The following ACLY variants were observed in gnomAD, a reference collection of about 807,000 sequenced individuals.
ACLY encodes ATP-citrate synthase.
In ACLY, 41 loss-of-function variants were observed where a neutral mutation model predicts 133.0. The observed-to-expected ratio is 0.31, with a 90% confidence interval of 0.24 to 0.40. ACLY has a LOEUF of 0.40. ACLY is among the 10% of genes least tolerant of loss of function. The probability of loss-of-function intolerance (pLI) is 1.00; values close to 1 mark genes in which losing one functional copy is unlikely to be tolerated. For missense variants in ACLY, 1,046 were observed against 1,453.8 expected, an observed-to-expected ratio of 0.72 and a Z score of 4.56; for synonymous variants, 495 against 549.3, an observed-to-expected ratio of 0.90 and a Z score of 1.38.
At chr17:41,918,716 C>T (rs2050123400) in intron 1 of ACLY, among the ~76,000 whole-genome samples, 164 bp downstream of exon 1, 1 of 152,154 alleles carries the variant, frequency 6.6e-6, no homozygotes, top group South Asian at 2.1e-4. Context: ...CCGGCCGGGA[C>T]CCCGGGCGAA....
At chr17:41,907,304 AG>A in intron 7 of ACLY, 137 bp downstream of exon 7, 2 of 666,932 alleles carry the variant, frequency 3.0e-6, no homozygotes, top group Non-Finnish European at 2.3e-6. Context: ...TGAGGTTTTA[AG>A]AAAATTAAAT....
chr17:41,897,253 A>G (rs1360990264), intron 13 of ACLY, among the ~76,000 whole-genome samples: 1 of 152,052 alleles, frequency 6.6e-6, no homozygotes, highest in Non-Finnish European at 1.5e-5. Context: ...AATTAGTTGA[A>G]ATACAGATGG....
intron 5 of ACLY, 131 bp downstream of exon 5, chr17:41,909,379 T>G (rs2049826542): frequency 4.0e-6 from 4 of 990,286 alleles, no homozygotes; most frequent in Non-Finnish European, 4.5e-6. Flanking sequence ...CCAGCTGTCT[T>G]CCTCAGGACA....
chr17:41,872,167 A>T lies in ACLY; in HGVS notation c.2658T>A (p.Ser886=). Residue 886 remains serine, a synonymous_variant, in exon 24 of 29, where the codon TCT becomes TCA. Transcript: ENST00000352035. Reference sequence around the variant, plus strand: ...TCAGACACATCTCAATGAACTGGCAAGAGTACTTAGGCAACCTGGAGTGGG... The same window carrying T: ...TCAGACACATCTCAATGAACTGGCATGAGTACTTAGGCAACCTGGAGTGGG... ...LWFQKRLPKY[S]CQFIEMCLMV... 1 of 1,613,716 alleles carries T rather than the reference A, an allele frequency of 6.2e-7. No homozygotes were observed.
chr17:41,919,186 G>A (rs978924619), upstream of ACLY, among the ~76,000 whole-genome samples: 4 of 152,144 alleles, frequency 2.6e-5, no homozygotes, highest in Admixed American at 2.6e-4. Flanking sequence ...GAGCCTGCGG[G>A]GCCGGGGCGG....
At chr17:41,914,222 G>A (rs1489224584) in intron 1 of ACLY, among the ~76,000 whole-genome samples, 1 of 152,208 alleles carries the variant, frequency 6.6e-6, no homozygotes, top group Non-Finnish European at 1.5e-5. Context: ...ACTCATCCTG[G>A]AGCAAAAGGC....
At chr17:41,886,029 A>T (rs1331540775) in intron 18 of ACLY, 83 bp downstream of exon 18, 2 of 1,393,924 alleles carry the variant, frequency 1.4e-6, no homozygotes, top group Non-Finnish European at 2.0e-6. Flanking sequence ...CAGGGGCAGC[A>T]AGCAGCCTGC....
intron 3 of ACLY, among the ~76,000 whole-genome samples, chr17:41,911,841 G>A (rs56198220): frequency 1.9e-3 from 289 of 151,958 alleles, no homozygotes; most frequent in Middle Eastern, 3.4e-3. Flanking sequence ...TAGGCCGGGC[G>A]CAGTGGCTCA....
At chr17:41,922,057 G>A (rs558588238), upstream of ACLY, among the ~76,000 whole-genome samples, 2 of 152,148 alleles carry the variant, frequency 1.3e-5, no homozygotes, top group South Asian at 4.1e-4. Flanking sequence ...TTAGCTGGAT[G>A]TGGTGGCACA....
intron 1 of ACLY, among the ~76,000 whole-genome samples, chr17:41,917,347 G>T (rs1555634714): frequency 1.3e-5 from 2 of 152,050 alleles, no homozygotes; most frequent in African/African-American, 4.8e-5. Context: ...CCATTTGGGG[G>T]AAATCATGCC....
upstream of ACLY, among the ~76,000 whole-genome samples, chr17:41,922,978 T>A (rs1338556833): frequency 1.3e-5 from 2 of 152,212 alleles, no homozygotes; most frequent in African/African-American, 4.8e-5. Context: ...CAGAGGTTCA[T>A]CTGCCTTGAA....
chr17:41,913,607 G>T, intron 2 of ACLY, 108 bp downstream of exon 2: 1 of 1,210,744 alleles, frequency 8.3e-7, no homozygotes, highest in Non-Finnish European at 1.2e-6. Flanking sequence ...AGCTGCTGCT[G>T]GCAGCCTCCA....
chr17:41,897,268 ACAGG>A (rs2049395748), intron 13 of ACLY, among the ~76,000 whole-genome samples: 1 of 152,142 alleles, frequency 6.6e-6, no homozygotes. Flanking sequence ...AGATGGGCTG[ACAGG>A]CGGGGGCTTT....
At chr17:41,887,945 T>C (rs559543053) in intron 16 of ACLY, among the ~76,000 whole-genome samples, 2,534 of 152,048 alleles carry the variant, frequency 0.017, 81 homozygotes, top group African/African-American at 0.058. Context: ...CTGGCCAACG[T>C]AGCAAAACCC....
intron 16 of ACLY, 54 bp from the exon 17 acceptor site, chr17:41,887,757 C>G (rs2049094495): frequency 6.8e-7 from 1 of 1,470,880 alleles, no homozygotes. Flanking sequence ...GAAAGGGCAA[C>G]AAGACAGCAC....
chr17:41,873,465 G>A (rs1555625451), intron 23 of ACLY, among the ~76,000 whole-genome samples: 2 of 152,178 alleles, frequency 1.3e-5, no homozygotes, highest in African/African-American at 2.4e-5. Flanking sequence ...ACAGGCGTGA[G>A]CCACCGCGCC....
rs1555629535 is a variant in ACLY, at chr17:41,892,441, G to A, written c.1608C>T (p.Asp536=). 1.2e-6 allele frequency: 2 copies of A among 1,613,290 alleles called. No homozygotes were observed. Among genetic ancestry groups the A allele is most frequent in the South Asian group, 1.1e-5 (1 of 91,026 alleles). The part of the protein sequence containing the change: ...VAAMVYPFTG[D]HKQKFYWGHK... ...GCCCCCAGTAAAACTTCTGCTTGTG[G>A]TCCCCACTGTGAGAAAGTAAAAGAA... Residue 536 remains aspartate (D), a synonymous_variant, in exon 16 of 29, where the codon GAC becomes GAT. Coordinates refer to ENST00000352035, the MANE Select transcript of ACLY (RefSeq NM_001096.3).
At chr17:41,905,777 T>A in intron 8 of ACLY, 119 bp from the exon 9 acceptor site, 1 of 1,241,794 alleles carries the variant, frequency 8.1e-7, no homozygotes, top group Non-Finnish European at 1.2e-6. Context: ...GGAACCGGCC[T>A]CTTGGATCTC....
In ACLY at chr17:41,913,805, T is replaced by A; in HGVS notation, c.69A>T (p.Ser23=). 2 of 1,614,216 alleles carry A rather than the reference T, an allele frequency of 1.2e-6. No homozygotes were observed. The highest frequency in any genetic ancestry group is 4.5e-5 in the East Asian group (2 of 44,878). ...ELLYKFICTT[S]AIQNRFKYAR... is the part of the protein sequence containing the mutation. The stretch of plus-strand genomic sequence containing the variant: ...CATACTTGAACCGATTCTGGATGGC[T>A]GAGGTGGTACAGATGAACTTGTAAA... The change falls in exon 2 of 29, where the codon TCA becomes TCT. Residue 23 remains serine (S), a synonymous_variant. Transcript: ENST00000352035.
Sources: allele counts gnomAD v4.1 joint callset (sites outside exome capture counted in the v4.1 genomes callset), GRCh38; gene constraint gnomAD v4.1.1; transcripts MANE v1.5; gene names NCBI Gene and HGNC (gene_info 2026-07-23, HGNC 2026-07-21).